The following KIAA0825 variants were observed in gnomAD, a reference collection of about 807,000 sequenced individuals.
KIAA0825 encodes the protein uncharacterized protein KIAA0825.
A neutral mutation model predicts 147.6 loss-of-function variants in KIAA0825; 119 were observed. The observed-to-expected ratio is 0.81, with a 90% confidence interval of 0.69 to 0.94. KIAA0825 has a LOEUF of 0.94. KIAA0825 is among the 40% of genes least tolerant of loss of function. The pLI is 0.00. For synonymous variants in KIAA0825, 470 were observed against 518.1 expected (o/e 0.91, Z 1.26); for missense variants, 1,381 against 1,472.7 (o/e 0.94, Z 1.02).
chr5:94,491,818 T>C (rs1234000990), intron 5 of KIAA0825, among the ~76,000 whole-genome samples: 1 of 152,168 alleles, frequency 6.6e-6, no homozygotes, highest in East Asian at 1.9e-4. Flanking sequence ...CCACCCAATA[T>C]ACACAAGGTA....
intron 1 of KIAA0825, among the ~76,000 whole-genome samples, chr5:94,613,734 A>T (rs1413425252): frequency 6.6e-6 from 1 of 152,234 alleles, no homozygotes. Context: ...CATCAGTTAC[A>T]CAGTGTATAT....
intron 20 of KIAA0825, among the ~76,000 whole-genome samples, chr5:94,299,874 C>T (rs1778308399): frequency 6.6e-6 from 1 of 151,966 alleles, no homozygotes; most frequent in South Asian, 2.1e-4. Context: ...ATCTATTCCT[C>T]CTCTGGAAAA....
At chr5:94,371,504 A>C (rs1584287772) in intron 20 of KIAA0825, among the ~76,000 whole-genome samples, 1 of 152,302 alleles carries the variant, frequency 6.6e-6, no homozygotes, top group Non-Finnish European at 1.5e-5. Flanking sequence ...AAGCAAATAC[A>C]TCCTTCTTTA....
At chr5:94,496,230 G>A (rs1483668593) in intron 5 of KIAA0825, among the ~76,000 whole-genome samples, 6 of 152,080 alleles carry the variant, frequency 3.9e-5, no homozygotes, top group East Asian at 1.9e-4. Context: ...AAATCAAAAG[G>A]AGAATACTTC....
chr5:94,493,564 T>C (rs1246764806), intron 5 of KIAA0825, among the ~76,000 whole-genome samples: 1 of 152,140 alleles, frequency 6.6e-6, no homozygotes, highest in Non-Finnish European at 1.5e-5. Flanking sequence ...CTCAGCTCAC[T>C]GCAAGCTCCA....
intron 20 of KIAA0825, among the ~76,000 whole-genome samples, chr5:94,336,235 A>G (rs1449555300): frequency 6.6e-6 from 1 of 151,184 alleles, no homozygotes; most frequent in Non-Finnish European, 1.5e-5. Context: ...GCACCCAATG[A>G]TAGTACAATA....
At chr5:94,177,603 A>G (rs1769224311) in intron 20 of KIAA0825, among the ~76,000 whole-genome samples, 2 of 152,018 alleles carry the variant, frequency 1.3e-5, no homozygotes, top group African/African-American at 4.8e-5. Flanking sequence ...AAGAAAAATC[A>G]TAATGCAGGA....
At chr5:94,513,923 G>T (rs1371835642) in intron 5 of KIAA0825, among the ~76,000 whole-genome samples, 3 of 151,660 alleles carry the variant, frequency 2.0e-5, no homozygotes, top group Non-Finnish European at 4.4e-5. Flanking sequence ...GAGGTATAGT[G>T]GGAAGATGCT....
chr5:94,154,184 G>C, intron 20 of KIAA0825, 60 bp from the exon 21 acceptor site: 1 of 1,021,276 alleles, frequency 9.8e-7, no homozygotes, highest in Admixed American at 2.0e-5. Flanking sequence ...TCAACACTCA[G>C]TTAATCAAGT....
rs1296558848 is a variant in KIAA0825 at position 94,386,309 on chromosome 5, ATCT to A, written c.3549_3551del (p.Glu1183del). ...GGAAAGGGTTAAAGGCAGAAGGCTG[ATCT>A]TCTATACTCCTCAAGGTCGTCTTTA... On this transcript the variant is annotated inframe_deletion, in exon 19 of 21. Transcript: ENST00000682413. The A allele has an allele frequency of 1.9e-6, 3 of 1,551,494 alleles. No individual in the cohort carries two copies. Among genetic ancestry groups the A allele is most frequent in the African/African-American group, 1.4e-5 (1 of 73,048 alleles).
chr5:94,589,472 A>G (rs1374474063), intron 1 of KIAA0825, among the ~76,000 whole-genome samples: 1 of 152,244 alleles, frequency 6.6e-6, no homozygotes, highest in Non-Finnish European at 1.5e-5. Context: ...GGAATTTGAC[A>G]GAGAATGCTT....
At chr5:94,294,507 C>A (rs975125648) in intron 20 of KIAA0825, among the ~76,000 whole-genome samples, 3 of 152,190 alleles carry the variant, frequency 2.0e-5, no homozygotes, top group Non-Finnish European at 4.4e-5. Context: ...GTGGGTGGAT[C>A]ACGAGGTCAG....
chr5:94,319,485 G>A (rs907334963), intron 20 of KIAA0825, among the ~76,000 whole-genome samples: 4 of 151,734 alleles, frequency 2.6e-5, no homozygotes, highest in African/African-American at 4.8e-5. Flanking sequence ...CCTATCAAAC[G>A]TAGTATCTCC....
intron 16 of KIAA0825, among the ~76,000 whole-genome samples, chr5:94,396,857 CT>C (rs1420417120): frequency 1.3e-5 from 2 of 151,996 alleles, no homozygotes; most frequent in Non-Finnish European, 2.9e-5. Flanking sequence ...GTACTTCTGA[CT>C]CCCCCTTAAG....
chr5:94,162,803 T>A (rs1176396050), intron 20 of KIAA0825, among the ~76,000 whole-genome samples: 1 of 152,244 alleles, frequency 6.6e-6, no homozygotes, highest in Non-Finnish European at 1.5e-5. Context: ...AGTTTAGTGT[T>A]TTGTACACTG....
At chr5:94,458,359 C>T (rs1204975293) in intron 12 of KIAA0825, among the ~76,000 whole-genome samples, 1 of 152,062 alleles carries the variant, frequency 6.6e-6, no homozygotes, top group Non-Finnish European at 1.5e-5. Flanking sequence ...AAAGGTATTA[C>T]CAGACCTTGC....
chr5:94,333,741 C>A (rs532947844), intron 20 of KIAA0825, among the ~76,000 whole-genome samples: 1 of 152,190 alleles, frequency 6.6e-6, no homozygotes, highest in South Asian at 2.1e-4. Flanking sequence ...TGATAAGCAA[C>A]TTCAGCAAAG....
chr5:94,609,603 A>G (rs920496811), intron 1 of KIAA0825, among the ~76,000 whole-genome samples: 1 of 152,192 alleles, frequency 6.6e-6, no homozygotes, highest in Non-Finnish European at 1.5e-5. Context: ...AAAGATAATT[A>G]CCAAGTAAAG....
chr5:94,177,414 G>T lies in KIAA0825; in HGVS notation c.3711-23290C>A, dbSNP rs1246118917. Among the ~76,000 whole-genome samples, 4 of 151,918 alleles carry T rather than the reference G, an allele frequency of 2.6e-5. 1 individual carries two copies. The highest frequency in any genetic ancestry group is 5.9e-5 in the Non-Finnish European group (4 of 67,958). On this transcript the variant is annotated intron_variant, in intron 20 of 20. Transcript: ENST00000682413. ...CTTCTTTTTTTAATAACTATAATTT[G>T]TAGTCCATTCCCATTCATTTGCTAC...
Sources: gnomAD v4.1 joint callset for allele counts (sites outside exome capture counted in the v4.1 genomes callset) on GRCh38, gnomAD v4.1.1 for gene constraint, MANE v1.5 for transcripts, NCBI Gene and HGNC (gene_info 2026-07-23, HGNC 2026-07-21) for gene names.